ACACA: variants seen among roughly 807,000 people sequenced by gnomAD.
ACACA encodes the protein acetyl-CoA carboxylase 1.
In ACACA, 103 loss-of-function variants were observed where a neutral mutation model predicts 296.1. That is an observed-to-expected ratio of 0.35 (90% CI 0.30 to 0.41). The LOEUF is 0.41. Ranked by LOEUF, ACACA falls within the 10% of genes least tolerant of loss-of-function variation. The pLI is 1.00. For synonymous variants in ACACA, 953 were observed against 1,038.6 expected, an observed-to-expected ratio of 0.92 and a Z score of 1.58; for missense variants, 1,554 against 2,989.7, an observed-to-expected ratio of 0.52 and a Z score of 11.20.
chr17:37,101,639 C>T (rs2073366916), intron 52 of ACACA, among the ~76,000 whole-genome samples: 1 of 152,164 alleles, frequency 6.6e-6, no homozygotes, highest in Non-Finnish European at 1.5e-5. Context: ...GTAGTAGTGT[C>T]CCTTTAATTT....
chr17:37,129,939 TC>T (rs1313843484), intron 46 of ACACA, 135 bp downstream of exon 46: 2 of 1,279,214 alleles, frequency 1.6e-6, no homozygotes, highest in African/African-American at 3.0e-5. Flanking sequence ...AAAAGAGAAA[TC>T]AATAGCTTTC....
chr17:37,273,115 ATT>A (rs2082138101), intron 9 of ACACA, among the ~76,000 whole-genome samples: 1 of 152,240 alleles, frequency 6.6e-6, no homozygotes, highest in South Asian at 2.1e-4. Flanking sequence ...AATTAGAAAT[ATT>A]AATTCTTCTT....
intron 50 of ACACA, among the ~76,000 whole-genome samples, chr17:37,119,467 C>T (rs1597873641): frequency 6.6e-6 from 1 of 151,942 alleles, no homozygotes; most frequent in East Asian, 1.9e-4. Context: ...AATAATTCAC[C>T]TTGATAATCT....
At chr17:37,197,602 T>A (rs1368150474) in intron 35 of ACACA, among the ~76,000 whole-genome samples, 4 of 152,132 alleles carry the variant, frequency 2.6e-5, no homozygotes, top group Non-Finnish European at 5.9e-5. Flanking sequence ...TAAATAAGCA[T>A]CCTTCATGAA....
At position 37,153,094 on chromosome 17, in the gene ACACA, T is replaced by C. The variant is rs548541860; in HGVS notation, c.5448-1673A>G. Among the ~76,000 whole-genome samples the C allele has an allele frequency of 2.2e-4, 33 of 152,372 alleles. No individual in the cohort carries two copies. In the South Asian group the frequency reaches 6.6e-3, roughly 31 times the overall value. On this transcript the variant is annotated intron_variant, in intron 43 of 55. Transcript: ENST00000616317. ...GGGGGTTAATTAACTACATTAATTG[T>C]ATATGTGTTTGTGTGCCTGTTTGTA...
chr17:37,246,783 A>C, intron 19 of ACACA, 43 bp downstream of exon 19: 5 of 1,608,854 alleles, frequency 3.1e-6, no homozygotes, highest in Non-Finnish European at 4.2e-6. Flanking sequence ...CCCTTTTCCT[A>C]CCTTCCCCTC....
rs527292313 is a variant in ACACA, at chr17:37,226,383, G to A, written c.3316C>T (p.Leu1106Phe). The A allele has an allele frequency of 6.2e-7, 1 of 1,614,192 alleles. No homozygotes were observed. Among genetic ancestry groups the A allele is most frequent in the East Asian group, 2.2e-5 (1 of 44,884 alleles). Reference protein sequence around the residue: ...LLNILTELTQLSKTTNAKVAL... With the variant: ...LLNILTELTQFSKTTNAKVAL... ...ACTTTGGCATTGGTGGTCTTACTGAGTTGAGTTAGCTCTGTGAGAATATTC... is the reference window on the plus strand; with the variant it reads ...ACTTTGGCATTGGTGGTCTTACTGAATTGAGTTAGCTCTGTGAGAATATTC... The change falls in exon 26 of 56, where the codon CTC becomes TTC. Residue 1106 changes from leucine (L) to phenylalanine (F), a missense_variant. Leu to Phe is a conservative substitution (Grantham distance 22). Coordinates refer to ENST00000616317, the MANE Select transcript of ACACA (RefSeq NM_198834.3).
At position 37,374,078 on chromosome 17, in the gene ACACA, T is replaced by A. The variant is rs570569279; in HGVS notation, c.38+32184A>T. Among the ~76,000 whole-genome samples, 32 of 152,178 alleles carry A rather than the reference T, an allele frequency of 2.1e-4. 1 individual carries two copies. Among genetic ancestry groups the A allele is most frequent in the Admixed American group, 2.1e-3 (32 of 15,270 alleles). ...AAAACTTTTTTAAAAAGTTTTCTAG[T>A]CTGGGTGCAGTGGCTCACACCTGTA... On this transcript the variant is annotated intron_variant, in intron 1 of 55. Transcript: ENST00000616317.
chr17:37,109,125 T>C (rs73287924), intron 52 of ACACA, among the ~76,000 whole-genome samples: 134 of 152,350 alleles, frequency 8.8e-4, no homozygotes, highest in African/African-American at 3.2e-3. Flanking sequence ...CCAGAATCAT[T>C]GTGAACCCCA....
intron 39 of ACACA, among the ~76,000 whole-genome samples, chr17:37,182,118 C>T (rs1197946921): frequency 6.6e-6 from 1 of 151,840 alleles, no homozygotes; most frequent in African/African-American, 2.4e-5. Flanking sequence ...TCCTCAATGG[C>T]AGAAGGCCAG....
In ACACA at chr17:37,381,853, G is replaced by T. The variant is rs549243978; in HGVS notation, c.38+24409C>A. Among the ~76,000 whole-genome samples, 789 of 149,974 alleles carry T rather than the reference G, an allele frequency of 5.3e-3. 3 individuals are homozygous for T. The highest frequency in any genetic ancestry group is 8.9e-3 in the African/African-American group (356 of 40,058). ...CGTGTTGGCCAGGATGGTCTCGATC[G>T]CCTGACCTTGTGATCTGCCCGCCTT... On this transcript the variant is annotated intron_variant, in intron 1 of 55. Coordinates refer to ENST00000616317, the MANE Select transcript of ACACA (RefSeq NM_198834.3).
At chr17:37,146,380 G>A (rs2075808325) in intron 45 of ACACA, among the ~76,000 whole-genome samples, 1 of 149,846 alleles carries the variant, frequency 6.7e-6, no homozygotes, top group African/African-American at 2.5e-5. Flanking sequence ...ATGATATGTG[G>A]AGTGTCAACC....
chr17:37,224,793 C>T (rs946048884), intron 27 of ACACA, among the ~76,000 whole-genome samples, 199 bp downstream of exon 27: 5 of 151,710 alleles, frequency 3.3e-5, no homozygotes, highest in African/African-American at 4.8e-5. Context: ...TAAGCTAAAC[C>T]ACAATTCTAA....
chr17:37,205,972 AC>A, intron 32 of ACACA, 100 bp from the exon 33 acceptor site: 1 of 1,027,232 alleles, frequency 9.7e-7, no homozygotes, highest in Non-Finnish European at 1.5e-6. Context: ...AAAGAGATAC[AC>A]CCCACAGGAT....
intron 52 of ACACA, among the ~76,000 whole-genome samples, chr17:37,106,077 C>A (rs1361996381): frequency 6.6e-6 from 1 of 151,660 alleles, no homozygotes; most frequent in East Asian, 1.9e-4. Flanking sequence ...CAAACACAAG[C>A]AGTTGTTTAA....
chr17:37,393,144 C>CAAA (rs11286732), intron 1 of ACACA, among the ~76,000 whole-genome samples: 1 of 82,428 alleles, frequency 1.2e-5, no homozygotes, highest in Non-Finnish European at 2.5e-5. Flanking sequence ...AACTCCATCT[C>CAAA]AAAAAAAAAA....
chr17:37,364,365 G>A (rs1378717818), intron 1 of ACACA, among the ~76,000 whole-genome samples: 2 of 152,002 alleles, frequency 1.3e-5, no homozygotes, highest in Non-Finnish European at 2.9e-5. Context: ...AGGCCAAGAC[G>A]GGCGGATCAC....
At chr17:37,193,996 T>G (rs1292147015) in intron 35 of ACACA, among the ~76,000 whole-genome samples, 3 of 152,178 alleles carry the variant, frequency 2.0e-5, no homozygotes, top group Non-Finnish European at 2.9e-5. Flanking sequence ...TTAGAACTAG[T>G]GAACTTGTAA....
At chr17:37,346,624 C>T (rs761069330) in intron 1 of ACACA, among the ~76,000 whole-genome samples, 130 of 150,554 alleles carry the variant, frequency 8.6e-4, no homozygotes, top group Non-Finnish European at 1.5e-3. Context: ...ATGGCGTGAA[C>T]CTGAAAGGTG....
Sources: allele counts gnomAD v4.1 joint callset (sites outside exome capture counted in the v4.1 genomes callset), GRCh38; gene constraint gnomAD v4.1.1; transcripts MANE v1.5; gene names NCBI Gene and HGNC (gene_info 2026-07-23, HGNC 2026-07-21).